SLC15A5: variants seen among roughly 807,000 people sequenced by gnomAD.
SLC15A5 encodes Peptide/histidine transporter ENSP00000340402.
SLC15A5 carries 58 observed loss-of-function variants against 56.1 expected under a neutral mutation model. The observed-to-expected ratio is 1.03, with a 90% CI of 0.84 to 1.29. SLC15A5 has a LOEUF of 1.29. Ranked by LOEUF, SLC15A5 falls within the 50% of genes most tolerant of loss-of-function variation. SLC15A5 has a pLI of 0.00. For synonymous variants in SLC15A5, 264 were observed against 250.5 expected (o/e 1.05, Z -0.51); for missense variants, 681 against 672.1 (o/e 1.01, Z -0.15).
chr12:16,194,754 C>T (rs1422758795), intron 7 of SLC15A5, among the ~76,000 whole-genome samples: 1 of 151,932 alleles, frequency 6.6e-6, no homozygotes, highest in Non-Finnish European at 1.5e-5. Context: ...TTGCAGGAGC[C>T]ATGTGTGTAT....
chr12:16,272,373 G>T (rs1196243472), intron 2 of SLC15A5, among the ~76,000 whole-genome samples, 188 bp downstream of exon 2: 4 of 152,118 alleles, frequency 2.6e-5, no homozygotes. Context: ...GTGCTGGTGA[G>T]TTGTACTGGT....
chr12:16,193,095 T>C (rs1201933968), intron 8 of SLC15A5, among the ~76,000 whole-genome samples: 2 of 152,056 alleles, frequency 1.3e-5, no homozygotes, highest in African/African-American at 4.8e-5. Context: ...ACCACTTATG[T>C]GTCTGGAGGC....
chr12:16,263,888 A>T (rs1346070958), intron 2 of SLC15A5, among the ~76,000 whole-genome samples: 1 of 152,210 alleles, frequency 6.6e-6, no homozygotes, highest in African/African-American at 2.4e-5. Context: ...AGGTTTCAGA[A>T]GATGTATGGA....
Position 16,189,817 on chromosome 12 carries a change from TA to T in SLC15A5, c.1593-3del. ...TTAAAATGATTTAGATTACAATATC[TA>T]AAAAAGAAAGAAAGAAAGCTTTTCT... On this transcript the variant is annotated splice_region_variant and splice_polypyrimidine_tract_variant and intron_variant, in intron 8 of 8. Coordinates refer to ENST00000344941, the MANE Select transcript of SLC15A5 (RefSeq NM_001170798.1). 1 of 1,476,652 alleles carries T rather than the reference TA, an allele frequency of 6.8e-7. No homozygotes were observed. Among genetic ancestry groups the T allele is most frequent in the South Asian group, 1.4e-5 (1 of 73,460 alleles). The allele number at this position is 1,476,652 out of a possible 1,614,324, so 91.5% of individuals were successfully genotyped here.
chr12:16,248,542 G>C (rs1303686979), intron 3 of SLC15A5, among the ~76,000 whole-genome samples: 1 of 152,084 alleles, frequency 6.6e-6, no homozygotes, highest in Admixed American at 6.6e-5. Context: ...GTCAGCAAGA[G>C]AGTCCAAGAA....
At chr12:16,244,168 C>T (rs1864439296) in intron 4 of SLC15A5, among the ~76,000 whole-genome samples, 1 of 152,074 alleles carries the variant, frequency 6.6e-6, no homozygotes, top group Non-Finnish European at 1.5e-5. Context: ...GGAGGTGGTA[C>T]TCAAATCAGT....
chr12:16,217,446 G>T (rs1183864341), intron 6 of SLC15A5, among the ~76,000 whole-genome samples: 1 of 152,082 alleles, frequency 6.6e-6, no homozygotes, highest in Non-Finnish European at 1.5e-5. Context: ...TTGCATCAAG[G>T]TTAAGAGCAT....
chr12:16,212,739 G>C (rs1322166381), intron 7 of SLC15A5, among the ~76,000 whole-genome samples: 2 of 152,050 alleles, frequency 1.3e-5, no homozygotes, highest in Non-Finnish European at 2.9e-5. Context: ...AAGAAGTCTA[G>C]GAACTTGCTT....
At chr12:16,230,756 A>AC (rs2136252641) in intron 5 of SLC15A5, among the ~76,000 whole-genome samples, 1 of 67,498 alleles carries the variant, frequency 1.5e-5, no homozygotes, top group South Asian at 1.1e-3. Context: ...TACTAAAAAT[A>AC]CAAAAAAAAA....
intron 2 of SLC15A5, among the ~76,000 whole-genome samples, chr12:16,264,003 C>T (rs1864668399): frequency 6.6e-6 from 1 of 152,228 alleles, no homozygotes; most frequent in Non-Finnish European, 1.5e-5. Context: ...AGCACCCACA[C>T]AGAGTTCCTA....
At chr12:16,215,124 A>G (rs1409662484) in intron 7 of SLC15A5, among the ~76,000 whole-genome samples, 1 of 146,376 alleles carries the variant, frequency 6.8e-6, no homozygotes, top group African/African-American at 2.5e-5. Flanking sequence ...AATTGCTTGA[A>G]CTTGGGAGGC....
chr12:16,198,536 A>T (rs1158324810), intron 7 of SLC15A5, among the ~76,000 whole-genome samples: 1 of 152,132 alleles, frequency 6.6e-6, no homozygotes, highest in Non-Finnish European at 1.5e-5. Flanking sequence ...TATCAAATGC[A>T]CTGCTGTAGT....
intron 3 of SLC15A5, 107 bp downstream of exon 3, chr12:16,257,594 T>A: frequency 5.4e-6 from 5 of 931,694 alleles, no homozygotes; most frequent in Non-Finnish European, 7.2e-6. Context: ...CTGACACAAT[T>A]TTCAAATTCT....
chr12:16,193,784 A>AGC (rs1863862844), intron 8 of SLC15A5, among the ~76,000 whole-genome samples: 1 of 33,746 alleles, frequency 3.0e-5, no homozygotes, highest in Non-Finnish European at 5.8e-5. Flanking sequence ...TCAAGGGGAG[A>AGC]GAGAGAGAGA....
chr12:16,262,707 T>A (rs2136813508), intron 2 of SLC15A5, among the ~76,000 whole-genome samples: 1 of 152,290 alleles, frequency 6.6e-6, no homozygotes, highest in East Asian at 1.9e-4. Flanking sequence ...AATTCCCACA[T>A]GTTGTGGGAG....
intron 7 of SLC15A5, among the ~76,000 whole-genome samples, chr12:16,195,788 G>T (rs1181817674): frequency 1.3e-5 from 2 of 152,094 alleles, no homozygotes; most frequent in East Asian, 1.9e-4. Flanking sequence ...TCTGATCATA[G>T]TCAGCAAGTG....
intron 4 of SLC15A5, among the ~76,000 whole-genome samples, chr12:16,244,141 ATATT>A (rs1591653590): frequency 6.6e-6 from 1 of 152,316 alleles, no homozygotes; most frequent in East Asian, 1.9e-4. Flanking sequence ...ATTAGTACTT[ATATT>A]TAAGAGTACA....
chr12:16,261,289 A>G (rs1430344010), intron 2 of SLC15A5, among the ~76,000 whole-genome samples: 1 of 152,050 alleles, frequency 6.6e-6, no homozygotes, highest in African/African-American at 2.4e-5. Context: ...TTTTTCTGCC[A>G]CTATAAATTA....
At chr12:16,207,277 T>C (rs10772905) in intron 7 of SLC15A5, among the ~76,000 whole-genome samples, 80,086 of 152,052 alleles carry the variant, frequency 0.53, 21,526 homozygotes, top group South Asian at 0.74. Flanking sequence ...ATGTTGAATT[T>C]AAATAATTAC....
Sources: gnomAD v4.1 joint callset for allele counts (sites outside exome capture counted in the v4.1 genomes callset) on GRCh38, gnomAD v4.1.1 for gene constraint, MANE v1.5 for transcripts, NCBI Gene and HGNC (gene_info 2026-07-23, HGNC 2026-07-21) for gene names.